UGT1A3: variants seen among roughly 807,000 people sequenced by gnomAD.
UGT1A3 encodes UDP glucuronosyltransferase family 1 member A3.
A neutral mutation model predicts 41.0 loss-of-function variants in UGT1A3; 31 were observed. The observed-to-expected ratio is 0.76, with a 90% confidence interval of 0.57 to 1.02. UGT1A3 has a LOEUF of 1.02. UGT1A3 is among the 50% of genes least tolerant of loss of function. The probability of loss-of-function intolerance (pLI) is 0.00; values close to 1 mark genes in which losing one functional copy is unlikely to be tolerated. For synonymous variants in UGT1A3, 262 were observed against 257.6 expected, an observed-to-expected ratio of 1.02 and a Z score of -0.17; for missense variants, 737 against 671.0, an observed-to-expected ratio of 1.10 and a Z score of -1.09.
intron 1 of UGT1A3, chr2:233,743,075 T>C (rs1282774388): frequency 2.9e-6 from 1 of 344,366 alleles, no homozygotes; most frequent in Non-Finnish European, 5.7e-6. Context: ...GGTGTTGGCA[T>C]GAAGTGTTTA....
At chr2:233,750,052 T>C (rs1170416516) in intron 1 of UGT1A3, among the ~76,000 whole-genome samples, 1 of 151,744 alleles carries the variant, frequency 6.6e-6, no homozygotes, top group Non-Finnish European at 1.5e-5. Context: ...AATGTGGAAG[T>C]GACTTTGGAA....
Position 233,729,765 on chromosome 2 carries a change from C to T in UGT1A3, c.639C>T (p.Asn213=). The T allele has an allele frequency of 1.2e-6, 2 of 1,613,978 alleles. No homozygotes were observed. Among genetic ancestry groups the T allele is most frequent in the Admixed American group, 1.7e-5 (1 of 60,022 alleles). ...DHMTFMQRVK[N]MLYPLALSYI... ...TGACATTCATGCAAAGGGTCAAGAA[C>T]ATGCTCTACCCTCTGGCCCTGTCCT... Residue 213 remains asparagine, a synonymous_variant, in exon 1 of 5, where the codon AAC becomes AAT. Transcript: ENST00000482026.
At position 233,772,771 on chromosome 2, in the gene UGT1A3, G is replaced by A. The variant is rs989549467; in HGVS notation, c.*212G>A. 1 of 1,323,730 alleles carries A rather than the reference G, an allele frequency of 7.6e-7. No individual in the cohort carries two copies. The highest frequency in any genetic ancestry group is 1.5e-5 in the African/African-American group (1 of 67,390). The allele number at this position is 1,323,730 out of a possible 1,614,324, so 82.0% of individuals were successfully genotyped here. On this transcript the variant is annotated 3_prime_UTR_variant, in exon 5 of 5. Coordinates refer to ENST00000482026, the MANE Select transcript of UGT1A3 (RefSeq NM_019093.4). ...TTTGAATATGTATCGTGCCCCCTCTGGTGTCTTTGATCAGGATGACATGTG... is the reference window on the plus strand; with the variant it reads ...TTTGAATATGTATCGTGCCCCCTCTAGTGTCTTTGATCAGGATGACATGTG...
rs1035578503 is a variant in UGT1A3 at position 233,760,453 on chromosome 2, G to C, written c.868-6581G>C. 3 of 1,614,120 alleles carry C rather than the reference G, an allele frequency of 1.9e-6. No individual in the cohort carries two copies. The African/African-American group carries it at 4.0e-5, about 22-fold the overall frequency. ...CCAGCAGCTGCAGCAGAGGGGACAT[G>C]AAATAGTTGTCCTAGCACCTGACGC... On this transcript the variant is annotated intron_variant, in intron 1 of 4. Transcript: ENST00000482026.
chr2:233,757,535 A>AATATATATACATATACATATATATAT lies in UGT1A3; in HGVS notation c.868-9490_868-9489insCATATACATATATATATATATATATA, dbSNP rs376887521. On this transcript the variant is annotated intron_variant, in intron 1 of 4. Transcript: ENST00000482026. ...CAAAGCCAAAATCTTGCCTGTAAGG[A>AATATATATACATATACATATATATAT]ATATATATATATATATATATATATA... 7.4e-3 allele frequency among the ~76,000 whole-genome samples: 638 copies of AATATATATACATATACATATATATAT among 85,730 alleles called. 7 individuals carry two copies. Among genetic ancestry groups the AATATATATACATATACATATATATAT allele is most frequent in the African/African-American group, 0.011 (216 of 19,360 alleles). 56.2% of individuals were successfully genotyped at this position (85,730 alleles called of 152,430 possible).
At position 233,769,481 on chromosome 2, in the gene UGT1A3, G is replaced by T. The variant is rs35791110; in HGVS notation, c.1307+1042G>T. 6.2e-7 allele frequency: 1 copy of T among 1,612,192 alleles called. No homozygotes were observed. The highest frequency in any genetic ancestry group is 1.3e-5 in the African/African-American group (1 of 75,008). ...TTCATATGCGTGTGTGTGTGTGTGC[G>T]TGTGTTTATGAGAGTGTCCATTGCT... is the stretch of plus-strand genomic sequence containing the variant. On this transcript the variant is annotated intron_variant, in intron 4 of 4. Transcript: ENST00000482026. The surrounding 1 kb of genome is among the most constrained non-coding windows in gnomAD (Gnocchi z 4.4).
At chr2:233,744,463 T>C (rs376604429) in intron 1 of UGT1A3, among the ~76,000 whole-genome samples, 1 of 151,892 alleles carries the variant, frequency 6.6e-6, no homozygotes, top group African/African-American at 2.4e-5. Flanking sequence ...TAAAACAGAA[T>C]TAAAAAGACA....
At chr2:233,764,888 CAA>C (rs869174020) in intron 1 of UGT1A3, among the ~76,000 whole-genome samples, 32 of 147,518 alleles carry the variant, frequency 2.2e-4, no homozygotes, top group African/African-American at 8.0e-4. Flanking sequence ...AAGGCAAAGA[CAA>C]AGCCCTTAAG....
chr2:233,767,255 G>T, intron 2 of UGT1A3, 90 bp downstream of exon 2: 2 of 1,596,758 alleles, frequency 1.3e-6, no homozygotes, highest in East Asian at 2.2e-5. Context: ...CTCTTAATTG[G>T]AACCTTAGAT....
intron 1 of UGT1A3, chr2:233,742,016 C>T (rs115965783): frequency 0.01 from 1,533 of 152,008 alleles, 58 homozygotes; most frequent in African/African-American, 0.035. Context: ...CTTTCATCAA[C>T]CTAATTTGAT....
In UGT1A3 at chr2:233,769,617, A is replaced by AG; in HGVS notation, c.1307+1179dup. 6.2e-7 allele frequency: 1 copy of AG among 1,612,702 alleles called. No individual in the cohort carries two copies. The highest frequency in any genetic ancestry group is 2.2e-5 in the East Asian group (1 of 44,882). On this transcript the variant is annotated intron_variant, in intron 4 of 4. Coordinates refer to ENST00000482026, the MANE Select transcript of UGT1A3 (RefSeq NM_019093.4). The surrounding 1 kb of genome is among the most constrained non-coding windows in gnomAD (Gnocchi z 4.4). ...CGGAACACGGGGACACACCAGCTTG[A>AG]GCAAGGGACAACAGGGGAGGACTGA...
At position 233,769,854 on chromosome 2, in the gene UGT1A3, T is replaced by G; in HGVS notation, c.1307+1415T>G. ...ACCTGGGCAACAGAGTGAGACCCTG[T>G]CTCAAAAAAAAAAAAAAAAATGAAA... On this transcript the variant is annotated intron_variant, in intron 4 of 4. Coordinates refer to ENST00000482026, the MANE Select transcript of UGT1A3 (RefSeq NM_019093.4). This position sits in a 1 kb window ranked among gnomAD's most constrained non-coding sequence, Gnocchi z 4.4. The G allele has an allele frequency of 2.3e-6, 1 of 426,362 alleles. No homozygotes were observed. Among genetic ancestry groups the G allele is most frequent in the Non-Finnish European group, 3.7e-6 (1 of 266,728 alleles). The allele number at this position is 426,362 out of a possible 1,614,324, so 26.4% of individuals were successfully genotyped here.
At chr2:233,737,382 C>T (rs751071024) in intron 1 of UGT1A3, among the ~76,000 whole-genome samples, 21 of 152,224 alleles carry the variant, frequency 1.4e-4, no homozygotes, top group Non-Finnish European at 2.6e-4. Flanking sequence ...GAGAGAATCT[C>T]CTTGTCTGCC....
intron 1 of UGT1A3, chr2:233,740,704 A>G (rs1042428979): frequency 6.6e-6 from 1 of 151,780 alleles, no homozygotes; most frequent in African/African-American, 2.4e-5. Context: ...AGGGATTTCA[A>G]GAGGGTCATC....
chr2:233,758,463 T>A (rs1240923270), intron 1 of UGT1A3, among the ~76,000 whole-genome samples: 1 of 152,228 alleles, frequency 6.6e-6, no homozygotes, highest in Admixed American at 6.5e-5. Flanking sequence ...ATTATCACCC[T>A]TAAGGTTTAA....
At chr2:233,766,761 T>G (rs1575822555) in intron 1 of UGT1A3, among the ~76,000 whole-genome samples, 1 of 152,230 alleles carries the variant, frequency 6.6e-6, no homozygotes, top group African/African-American at 2.4e-5. Context: ...TGTGTGTGCA[T>G]GTACCTGTGC....
At chr2:233,754,911 T>G (rs1467040876) in intron 1 of UGT1A3, 5 of 1,353,490 alleles carry the variant, frequency 3.7e-6, no homozygotes, top group Non-Finnish European at 5.0e-6. Flanking sequence ...CAAAATATTC[T>G]CCAGCGGGTT....
intron 2 of UGT1A3, 150 bp from the exon 3 acceptor site, chr2:233,767,699 A>G: frequency 1.3e-6 from 2 of 1,502,404 alleles, no homozygotes; most frequent in Non-Finnish European, 1.8e-6. Context: ...GGAAGTTGCC[A>G]GTCCTCAGAA....
At chr2:233,766,011 C>T (rs921466084) in intron 1 of UGT1A3, among the ~76,000 whole-genome samples, 4 of 152,188 alleles carry the variant, frequency 2.6e-5, no homozygotes, top group African/African-American at 9.6e-5. Context: ...TGGGTTATGG[C>T]CTTCTTTTAG....
Sources: allele counts gnomAD v4.1 joint callset (sites outside exome capture counted in the v4.1 genomes callset), GRCh38; gene constraint gnomAD v4.1.1; non-coding constraint Gnocchi (gnomAD v3.1); transcripts MANE v1.5; gene names NCBI Gene and HGNC (gene_info 2026-07-23, HGNC 2026-07-21).